Variants in PLEKHA6 observed in about 807,000 individuals in gnomAD.
PLEKHA6 encodes the protein pleckstrin homology domain containing A6.
In PLEKHA6, 60 loss-of-function variants were observed where a neutral mutation model predicts 116.7. The ratio of observed to expected loss-of-function variants is 0.51; its 90% CI spans 0.42 to 0.64. PLEKHA6 has a LOEUF of 0.64. Among genes scored for constraint, PLEKHA6 ranks in the 30% least tolerant of loss-of-function variants. The pLI is 0.00. For synonymous variants in PLEKHA6, 489 were observed against 556.1 expected (o/e 0.88, Z 1.70); for missense variants, 1,338 against 1,422.7 (o/e 0.94, Z 0.96).
chr1:204,285,348 C>T (rs1466305461), intron 1 of PLEKHA6, among the ~76,000 whole-genome samples: 1 of 152,162 alleles, frequency 6.6e-6, no homozygotes, highest in African/African-American at 2.4e-5. Context: ...CTGTCAACAA[C>T]AAAAAGTTAA....
Position 204,358,380 on chromosome 1 carries a change from C to G in PLEKHA6, c.-95+1314G>C, listed in dbSNP as rs1003680207. On this transcript the variant is annotated intron_variant, in intron 1 of 22. Transcript: ENST00000272203. ...AGGGTCTGCTCATGTCCTGCTGAAGCTAAAATGCAGCTGCTCGGGGGTGAA... is the reference window on the plus strand; with the variant it reads ...AGGGTCTGCTCATGTCCTGCTGAAGGTAAAATGCAGCTGCTCGGGGGTGAA... Among the ~76,000 whole-genome samples, 3 of 152,220 alleles carry G rather than the reference C, an allele frequency of 2.0e-5. No individual in the cohort carries two copies. In the South Asian group the frequency reaches 6.2e-4, roughly 31 times the overall value.
rs756811848 is a variant in PLEKHA6 at position 204,256,934 on chromosome 1, C to T, written c.1524+419G>A. On this transcript the variant is annotated intron_variant, in intron 9 of 22. Coordinates refer to ENST00000272203, the MANE Select transcript of PLEKHA6 (RefSeq NM_014935.5). ...AGAGGTGAGGGGTCTGGCTGGGACA[C>T]GGAGTTCCCCAACAGCTGAAGCTCA... The T allele has an allele frequency of 1.5e-4, 88 of 591,686 alleles. 1 individual carries two copies. Among genetic ancestry groups the T allele is most frequent in the Non-Finnish European group, 2.2e-4 (74 of 331,462 alleles). The allele number at this position is 591,686 out of a possible 1,614,324, so 36.7% of individuals were successfully genotyped here.
At chr1:204,313,550 C>G in intron 1 of PLEKHA6, 1 of 984,268 alleles carries the variant, frequency 1.0e-6, no homozygotes, top group Non-Finnish European at 1.2e-6. Context: ...AAGAAGCTGA[C>G]CTTGAGGCTA....
intron 21 of PLEKHA6, among the ~76,000 whole-genome samples, chr1:204,226,889 C>G (rs1211294548): frequency 2.0e-5 from 3 of 152,216 alleles, no homozygotes; most frequent in African/African-American, 4.8e-5. Context: ...ACCAGCAACA[C>G]AGCGCTACTG....
intron 1 of PLEKHA6, among the ~76,000 whole-genome samples, chr1:204,347,741 C>A (rs1426480285): frequency 6.6e-6 from 1 of 152,124 alleles, no homozygotes; most frequent in Admixed American, 6.5e-5. Flanking sequence ...TTCAGTCGGT[C>A]CCTCCGTTTT....
chr1:204,278,413 G>A (rs1346438003), intron 1 of PLEKHA6, among the ~76,000 whole-genome samples: 4 of 152,082 alleles, frequency 2.6e-5, no homozygotes, highest in Non-Finnish European at 2.9e-5. Flanking sequence ...TTTGACCAAC[G>A]TGGTTCTTTT....
chr1:204,282,505 C>A, intron 1 of PLEKHA6: 1 of 362,366 alleles, frequency 2.8e-6, no homozygotes, highest in Non-Finnish European at 3.8e-6. Flanking sequence ...CTGAGACCTC[C>A]TCACATCTCC....
intron 21 of PLEKHA6, among the ~76,000 whole-genome samples, chr1:204,225,072 C>T (rs536980259): frequency 6.6e-6 from 1 of 152,204 alleles, no homozygotes; most frequent in African/African-American, 2.4e-5. Context: ...CAGGAAAATT[C>T]AAAGAGACAG....
In PLEKHA6 at chr1:204,219,975, G is replaced by T. The variant is rs1339853868; in HGVS notation, c.*2813C>A. On this transcript the variant is annotated 3_prime_UTR_variant, in exon 23 of 23. Coordinates refer to ENST00000272203, the MANE Select transcript of PLEKHA6 (RefSeq NM_014935.5). ...CCCAGAGAGAAAGGTTGCAGAGGGG[G>T]GATGTCATAAATGTGACCCAGGCCA... 1.3e-5 allele frequency: 2 copies of T among 152,200 alleles called. No homozygotes were observed. Among genetic ancestry groups the T allele is most frequent in the African/African-American group, 4.8e-5 (2 of 41,412 alleles). 9.4% of individuals were successfully genotyped at this position (152,200 alleles called of 1,614,324 possible). A position where few individuals can be genotyped will look rare whatever the true frequency, so the allele number is the denominator to read the frequency against.
At chr1:204,294,661 A>G (rs376621866) in intron 1 of PLEKHA6, among the ~76,000 whole-genome samples, 62 of 152,322 alleles carry the variant, frequency 4.1e-4, no homozygotes, top group African/African-American at 1.4e-3. Flanking sequence ...CTGGAGTCAG[A>G]CTGCCCCAGT....
intron 1 of PLEKHA6, among the ~76,000 whole-genome samples, chr1:204,285,911 C>T (rs183910088): frequency 1.1e-4 from 17 of 152,240 alleles, no homozygotes; most frequent in African/African-American, 3.4e-4. Context: ...GATTGGCCAA[C>T]CTCTAGCTGA....
At chr1:204,248,113 G>A (rs1664012993) in intron 12 of PLEKHA6, among the ~76,000 whole-genome samples, 1 of 150,004 alleles carries the variant, frequency 6.7e-6, no homozygotes, top group Admixed American at 6.6e-5. Flanking sequence ...GTGTCGGAAG[G>A]TCTGCCCTTA....
chr1:204,309,269 T>C (rs964015920), intron 1 of PLEKHA6, among the ~76,000 whole-genome samples: 1 of 152,164 alleles, frequency 6.6e-6, no homozygotes. Flanking sequence ...CTGAGCATTT[T>C]CCTGAGGGTA....
intron 15 of PLEKHA6, 137 bp from the exon 16 acceptor site, chr1:204,241,951 C>T: frequency 1.0e-6 from 1 of 952,466 alleles, no homozygotes; most frequent in Non-Finnish European, 1.6e-6. Context: ...TCTATGTGTG[C>T]CGCCTGGGAG....
chr1:204,227,846 C>T (rs1294436898), intron 21 of PLEKHA6, among the ~76,000 whole-genome samples: 2 of 152,192 alleles, frequency 1.3e-5, no homozygotes, highest in Admixed American at 1.3e-4. Flanking sequence ...CCTAAGGTGG[C>T]TGTAAGGATC....
intron 15 of PLEKHA6, 40 bp from the exon 16 acceptor site, chr1:204,241,854 G>A: frequency 6.2e-7 from 1 of 1,610,570 alleles, no homozygotes; most frequent in South Asian, 1.1e-5. Context: ...TGTTAGTATG[G>A]CTGTCAGGAA....
At chr1:204,318,083 G>C (rs1336156411) in intron 1 of PLEKHA6, among the ~76,000 whole-genome samples, 2 of 152,220 alleles carry the variant, frequency 1.3e-5, no homozygotes, top group African/African-American at 2.4e-5. Flanking sequence ...ATATCCTTCT[G>C]TAGGGTGGGG....
chr1:204,369,018 T>C (rs1673722011), intron 2 of PLEKHA6: 1 of 152,138 alleles, frequency 6.6e-6, no homozygotes, highest in African/African-American at 2.4e-5. Flanking sequence ...TAATCATTCA[T>C]TTTATTCACC....
At chr1:204,375,469 G>T (rs1031907386) in intron 1 of PLEKHA6, among the ~76,000 whole-genome samples, 2 of 152,000 alleles carry the variant, frequency 1.3e-5, no homozygotes, top group African/African-American at 4.8e-5. Context: ...TTCCTGATTT[G>T]GTTCCTGAAG....
Sources: allele counts gnomAD v4.1 joint callset (sites outside exome capture counted in the v4.1 genomes callset), GRCh38; gene constraint gnomAD v4.1.1; transcripts MANE v1.5; gene names NCBI Gene and HGNC (gene_info 2026-07-23, HGNC 2026-07-21).